The following UST variants were observed in gnomAD, a reference collection of about 807,000 sequenced individuals.
UST encodes the protein uronyl 2-sulfotransferase.
Under a neutral mutation model 45.6 loss-of-function variants are expected in UST, and 21 were observed. The observed-to-expected ratio is 0.46, with a 90% confidence interval of 0.33 to 0.66. The LOEUF (loss-of-function observed/expected upper bound fraction) is 0.66, where lower values mean the gene tolerates loss of function less well. UST is among the 30% of genes least tolerant of loss of function. UST has a pLI of 0.02. For missense variants in UST, 463 were observed against 512.4 expected (o/e 0.90, Z 0.93); for synonymous variants, 215 against 200.6 (o/e 1.07, Z -0.61).
chr6:149,009,560 A>AACACACAC (rs113280120), intron 5 of UST, among the ~76,000 whole-genome samples: 25,222 of 142,932 alleles, frequency 0.18, 2,383 homozygotes, highest in Middle Eastern at 0.26. Context: ...CTGATGTTAA[A>AACACACAC]ACACACACAC....
chr6:148,840,798 G>GA (rs777832762), intron 1 of UST, among the ~76,000 whole-genome samples: 4 of 152,030 alleles, frequency 2.6e-5, no homozygotes, highest in Non-Finnish European at 5.9e-5. Flanking sequence ...TGGCATTTTG[G>GA]GACTGCCCCT....
intron 2 of UST, among the ~76,000 whole-genome samples, chr6:148,923,919 A>T (rs886393510): frequency 3.4e-4 from 52 of 152,128 alleles, no homozygotes; most frequent in African/African-American, 1.3e-3. Flanking sequence ...ATGCCCCTGG[A>T]CCTCGGTTTC....
At chr6:149,053,278 A>C (rs1272723415) in intron 7 of UST, among the ~76,000 whole-genome samples, 1 of 152,192 alleles carries the variant, frequency 6.6e-6, no homozygotes, top group Admixed American at 6.5e-5. Context: ...ACGGTTACCA[A>C]CTACTGAAAT....
chr6:148,797,662 G>A (rs1000479968), intron 1 of UST, among the ~76,000 whole-genome samples: 1 of 152,218 alleles, frequency 6.6e-6, no homozygotes, highest in African/African-American at 2.4e-5. Flanking sequence ...AGCGTAGAGG[G>A]GTGGTAGTTG....
At chr6:148,947,325 AT>A (rs1401036149) in intron 3 of UST, among the ~76,000 whole-genome samples, 1 of 152,190 alleles carries the variant, frequency 6.6e-6, no homozygotes, top group East Asian at 1.9e-4. Context: ...TTAATAAAAA[AT>A]TGTTCTTAAT....
At chr6:149,042,193 T>G (rs934024256) in intron 7 of UST, among the ~76,000 whole-genome samples, 1 of 152,220 alleles carries the variant, frequency 6.6e-6, no homozygotes, top group African/African-American at 2.4e-5. Context: ...CACTATTTTA[T>G]GGGGAGGCTC....
At chr6:148,870,654 A>T (rs1182838546) in intron 1 of UST, among the ~76,000 whole-genome samples, 1 of 151,932 alleles carries the variant, frequency 6.6e-6, no homozygotes, top group Non-Finnish European at 1.5e-5. Flanking sequence ...TTACATGGAG[A>T]TGTGCCTGAC....
At chr6:148,899,994 G>A (rs545751990) in intron 2 of UST, among the ~76,000 whole-genome samples, 1 of 152,142 alleles carries the variant, frequency 6.6e-6, no homozygotes, top group South Asian at 2.1e-4. Context: ...CAACTAGGTA[G>A]ACAGGAGTGA....
intron 1 of UST, among the ~76,000 whole-genome samples, chr6:148,759,177 T>C (rs958034303): frequency 3.3e-5 from 5 of 152,180 alleles, no homozygotes; most frequent in Non-Finnish European, 7.3e-5. Context: ...GGGTCTTGAC[T>C]GTCCCTATGG....
intron 1 of UST, among the ~76,000 whole-genome samples, chr6:148,868,838 T>C (rs1238851990): frequency 6.6e-6 from 1 of 152,230 alleles, no homozygotes; most frequent in Non-Finnish European, 1.5e-5. Context: ...ATGTGACTAC[T>C]TGGAAGATGT....
At chr6:149,050,936 A>G (rs556446581) in intron 7 of UST, among the ~76,000 whole-genome samples, 2 of 152,336 alleles carry the variant, frequency 1.3e-5, no homozygotes, top group South Asian at 4.1e-4. Context: ...AAAGGCCCAC[A>G]TGCCAAGGCT....
rs189178165 is a variant in UST at position 148,924,406 on chromosome 6, G to A, written c.292-16873G>A. ...AGAAATCCCTAGGAGACAATCAGCA[G>A]CTTCTCCATCACTGCATCCTCGGGC... On this transcript the variant is annotated intron_variant, in intron 2 of 7. Transcript: ENST00000367463. Among the ~76,000 whole-genome samples, 51 of 152,250 alleles carry A rather than the reference G, an allele frequency of 3.3e-4. 1 individual carries two copies. In the East Asian group the frequency reaches 9.7e-3, roughly 29 times the overall value.
chr6:148,796,551 G>A (rs1291696784), intron 1 of UST, among the ~76,000 whole-genome samples: 2 of 150,144 alleles, frequency 1.3e-5, no homozygotes, highest in Non-Finnish European at 3.0e-5. Flanking sequence ...TTGAACCTGG[G>A]AGGCGGAGGT....
intron 5 of UST, among the ~76,000 whole-genome samples, chr6:148,994,909 A>G (rs1033849875): frequency 2.0e-5 from 3 of 152,170 alleles, no homozygotes; most frequent in Admixed American, 2.0e-4. Context: ...CAAAACTCAA[A>G]GTGCCTGTTC....
chr6:149,059,498 C>T (rs866089248), intron 7 of UST, among the ~76,000 whole-genome samples: 4 of 152,228 alleles, frequency 2.6e-5, no homozygotes, highest in East Asian at 3.8e-4. Context: ...CCTTCCCATC[C>T]GCAGTGAAAC....
intron 2 of UST, among the ~76,000 whole-genome samples, chr6:148,905,183 G>A (rs1213164396): frequency 6.6e-6 from 1 of 152,178 alleles, no homozygotes; most frequent in Non-Finnish European, 1.5e-5. Context: ...TCGCAATGAT[G>A]GGTACAGATG....
intron 1 of UST, among the ~76,000 whole-genome samples, chr6:148,825,793 G>T (rs373482059): frequency 6.6e-6 from 1 of 152,198 alleles, no homozygotes; most frequent in Non-Finnish European, 1.5e-5. Flanking sequence ...TTCCCATGGT[G>T]GGGGGAGGAG....
At chr6:148,797,288 G>A (rs1320359561) in intron 1 of UST, among the ~76,000 whole-genome samples, 3 of 151,832 alleles carry the variant, frequency 2.0e-5, no homozygotes, top group South Asian at 2.1e-4. Flanking sequence ...AAAAATGAAC[G>A]AACAAAAACC....
At chr6:148,887,333 C>T (rs1026071124) in intron 2 of UST, among the ~76,000 whole-genome samples, 7 of 152,260 alleles carry the variant, frequency 4.6e-5, no homozygotes, top group South Asian at 2.1e-4. Context: ...GCCTTGGCAT[C>T]GATGCTGGCC....
Sources: allele counts gnomAD v4.1 joint callset (sites outside exome capture counted in the v4.1 genomes callset), GRCh38; gene constraint gnomAD v4.1.1; transcripts MANE v1.5; gene names NCBI Gene and HGNC (gene_info 2026-07-23, HGNC 2026-07-21).